PDSS2: variants seen among roughly 807,000 people sequenced by gnomAD.
The protein encoded by PDSS2 is decaprenyl diphosphate synthase subunit 2.
In PDSS2, 31 loss-of-function variants were observed where a neutral mutation model predicts 44.5. The observed-to-expected ratio is 0.70, with a 90% CI of 0.52 to 0.94. The LOEUF (loss-of-function observed/expected upper bound fraction) is 0.94. PDSS2 is among the 40% of genes least tolerant of loss of function. PDSS2 has a pLI of 0.00. For synonymous variants in PDSS2, 157 were observed against 180.3 expected (o/e 0.87, Z 1.03); for missense variants, 452 against 482.2 (o/e 0.94, Z 0.59).
At chr6:107,274,667 C>CTTTTTTTTT (rs5878910) in intron 2 of PDSS2, among the ~76,000 whole-genome samples, 11 of 106,554 alleles carry the variant, frequency 1.0e-4, no homozygotes, top group Non-Finnish European at 7.7e-5. Context: ...ATCTCTCTCT[C>CTTTTTTTTT]TTTTTTTTTT....
chr6:107,400,953 C>A (rs188491666), intron 1 of PDSS2, among the ~76,000 whole-genome samples: 3 of 152,186 alleles, frequency 2.0e-5, no homozygotes, highest in South Asian at 2.1e-4. Context: ...TACTATAATG[C>A]GCTGAACTTC....
At chr6:107,353,096 G>C (rs1044009451) in intron 1 of PDSS2, among the ~76,000 whole-genome samples, 4 of 152,156 alleles carry the variant, frequency 2.6e-5, no homozygotes, top group African/African-American at 4.8e-5. Context: ...TTCAGTGAAA[G>C]CTGGAACAGA....
At chr6:107,268,870 T>C (rs1323588016) in intron 3 of PDSS2, among the ~76,000 whole-genome samples, 7 of 152,142 alleles carry the variant, frequency 4.6e-5, no homozygotes, top group Admixed American at 1.3e-4. Context: ...ACAGTATAAA[T>C]ATTTCAGCCC....
At chr6:107,354,612 T>C (rs992922996) in intron 1 of PDSS2, among the ~76,000 whole-genome samples, 2 of 152,322 alleles carry the variant, frequency 1.3e-5, no homozygotes, top group East Asian at 3.9e-4. Flanking sequence ...TATCAGCACA[T>C]GTGAAGCAGC....
intron 1 of PDSS2, among the ~76,000 whole-genome samples, chr6:107,345,586 C>A (rs1364513026): frequency 6.6e-6 from 1 of 151,142 alleles, no homozygotes; most frequent in African/African-American, 2.4e-5. Flanking sequence ...CAGTAAAAAT[C>A]AGGAAGTTGG....
At chr6:107,192,899 G>A (rs949329127) in intron 7 of PDSS2, among the ~76,000 whole-genome samples, 2 of 152,184 alleles carry the variant, frequency 1.3e-5, no homozygotes, top group African/African-American at 4.8e-5. Flanking sequence ...GGTCAGCTCT[G>A]GAGAGGCCCT....
chr6:107,294,243 C>T (rs1776437854), intron 2 of PDSS2, among the ~76,000 whole-genome samples: 1 of 152,064 alleles, frequency 6.6e-6, no homozygotes, highest in South Asian at 2.1e-4. Context: ...AAAAGAGTGT[C>T]AGGGCATAGT....
intron 3 of PDSS2, among the ~76,000 whole-genome samples, chr6:107,261,907 C>CTTTTTTTTTTT (rs58274022): frequency 8.5e-6 from 1 of 117,104 alleles, no homozygotes; most frequent in Non-Finnish European, 1.7e-5. Flanking sequence ...TCTTTCTTTT[C>CTTTTTTTTTTT]TTTTTTTTTT....
intron 4 of PDSS2, among the ~76,000 whole-genome samples, chr6:107,216,512 T>A (rs890491460): frequency 2.6e-5 from 4 of 151,898 alleles, no homozygotes; most frequent in Non-Finnish European, 4.4e-5. Flanking sequence ...AAACAAAACC[T>A]GGGAATAAGC....
At chr6:107,458,956 G>A in intron 1 of PDSS2, 34 bp downstream of exon 1, 1 of 1,604,634 alleles carries the variant, frequency 6.2e-7, no homozygotes, top group Non-Finnish European at 8.5e-7. Flanking sequence ...ATTCCAATGA[G>A]TGCGAGTGTG....
intron 1 of PDSS2, among the ~76,000 whole-genome samples, chr6:107,383,853 A>C (rs993798021): frequency 1.3e-5 from 2 of 152,242 alleles, no homozygotes; most frequent in African/African-American, 2.4e-5. Flanking sequence ...TCATACAGCC[A>C]GTTTTGAAAA....
intron 1 of PDSS2, among the ~76,000 whole-genome samples, chr6:107,401,104 T>G (rs1780093074): frequency 1.3e-5 from 2 of 152,184 alleles, no homozygotes. Flanking sequence ...TAAGTATCAA[T>G]TACTGGCCAG....
chr6:107,359,810 C>G (rs554281556), intron 1 of PDSS2, among the ~76,000 whole-genome samples: 2 of 151,944 alleles, frequency 1.3e-5, no homozygotes, highest in African/African-American at 2.4e-5. Context: ...GTCCTGGAGG[C>G]GGGGGGCGGT....
intron 1 of PDSS2, among the ~76,000 whole-genome samples, chr6:107,412,032 C>A (rs1373452464): frequency 6.6e-6 from 1 of 151,056 alleles, no homozygotes; most frequent in Non-Finnish European, 1.5e-5. Context: ...ATTACAGGCA[C>A]ACACCACCAC....
At chr6:107,367,758 G>A (rs939391575) in intron 1 of PDSS2, among the ~76,000 whole-genome samples, 1 of 144,572 alleles carries the variant, frequency 6.9e-6, no homozygotes, top group African/African-American at 2.6e-5. Context: ...AGCTGAGATG[G>A]TGCCACTGCA....
intron 2 of PDSS2, among the ~76,000 whole-genome samples, chr6:107,310,305 A>T (rs1486583136): frequency 8.0e-6 from 1 of 125,784 alleles, no homozygotes; most frequent in Non-Finnish European, 1.8e-5. Context: ...AAAAAAAAAA[A>T]GAGAAAGAAA....
chr6:107,256,054 C>G (rs1444954280), intron 3 of PDSS2, among the ~76,000 whole-genome samples: 1 of 151,948 alleles, frequency 6.6e-6, no homozygotes, highest in Non-Finnish European at 1.5e-5. Context: ...GCAGTGGTGC[C>G]ATCTTGGCTC....
At chr6:107,207,858 C>T (rs113829596) in intron 6 of PDSS2, among the ~76,000 whole-genome samples, 35,746 of 151,618 alleles carry the variant, frequency 0.24, 5,133 homozygotes, top group East Asian at 0.49. Flanking sequence ...GATCTGCCCA[C>T]CTCGGCTTCT....
At position 107,154,127 on chromosome 6, in the gene PDSS2, C is replaced by A; in HGVS notation, c.*492G>T. On this transcript the variant is annotated 3_prime_UTR_variant, in exon 8 of 8. Coordinates refer to ENST00000369037, the MANE Select transcript of PDSS2 (RefSeq NM_020381.4). ...CATAATTACAAGCCAACAAATAAAA[C>A]ATATTTTTCTCAATCCATTGAACTA... 1 of 160,482 alleles carries A rather than the reference C, an allele frequency of 6.2e-6. No homozygotes were observed. The highest frequency in any genetic ancestry group is 1.4e-5 in the Non-Finnish European group (1 of 73,170). The allele number at this position is 160,482 out of a possible 1,614,324, so 9.9% of individuals were successfully genotyped here.
Sources: allele counts gnomAD v4.1 joint callset (sites outside exome capture counted in the v4.1 genomes callset), GRCh38; gene constraint gnomAD v4.1.1; transcripts MANE v1.5; gene names NCBI Gene and HGNC (gene_info 2026-07-23, HGNC 2026-07-21).